The following MDM2 variants were observed in gnomAD, a reference collection of about 807,000 sequenced individuals.
The protein encoded by MDM2 is MDM2 proto-oncogene.
MDM2 carries 11 observed loss-of-function variants against 64.3 expected under a neutral mutation model. That is an observed-to-expected ratio of 0.17 (90% CI 0.11 to 0.28). The LOEUF is 0.28. Ranked by LOEUF, MDM2 falls within the 10% of genes least tolerant of loss-of-function variation. The probability of loss-of-function intolerance (pLI) is 1.00; values close to 1 mark genes in which losing one functional copy is unlikely to be tolerated. For missense variants in MDM2, 388 were observed against 577.1 expected (o/e 0.67, Z 3.36); for synonymous variants, 194 against 192.9 (o/e 1.01, Z -0.05).
At chr12:68,811,012 T>TG (rs1299534883) in intron 2 of MDM2, among the ~76,000 whole-genome samples, 2 of 152,016 alleles carry the variant, frequency 1.3e-5, no homozygotes, top group East Asian at 3.9e-4. Context: ...ATTACAGGCA[T>TG]GCGCCACCAC....
In MDM2 at chr12:68,824,534, AT is replaced by A. The variant is rs1447795029; in HGVS notation, c.427-14del. On this transcript the variant is annotated intron_variant, in intron 6 of 10. Transcript: ENST00000258149. Reference sequence around the variant, plus strand: ...GGTTATGTTAAGTTTGTTGTATTTTATTTTTTTCCTAAATGCTTAGGACCTT... The same window carrying A: ...GGTTATGTTAAGTTTGTTGTATTTTATTTTTTCCTAAATGCTTAGGACCTT... 3 of 1,603,288 alleles carry A rather than the reference AT, an allele frequency of 1.9e-6. No homozygotes were observed. In the African/African-American group the frequency reaches 4.0e-5, roughly 22 times the overall value.
intron 7 of MDM2, among the ~76,000 whole-genome samples, chr12:68,825,780 G>C (rs1371045294): frequency 2.0e-5 from 3 of 152,344 alleles, no homozygotes; most frequent in Middle Eastern, 3.4e-3. Flanking sequence ...AGATGAAAGA[G>C]AATGTCAGAT....
chr12:68,814,906 G>A (rs1029807007), intron 3 of MDM2, among the ~76,000 whole-genome samples: 1 of 152,106 alleles, frequency 6.6e-6, no homozygotes, highest in Admixed American at 6.6e-5. Context: ...TTCTTACAAC[G>A]GTATAGTGGG....
intron 10 of MDM2, among the ~76,000 whole-genome samples, 153 bp from the exon 11 acceptor site, chr12:68,839,121 C>A (rs1326472106): frequency 6.6e-6 from 1 of 152,016 alleles, no homozygotes; most frequent in East Asian, 1.9e-4. Flanking sequence ...AGTCCTCATG[C>A]TGTTTACAGT....
chr12:68,817,924 A>G (rs989169581), intron 4 of MDM2, among the ~76,000 whole-genome samples: 2 of 151,832 alleles, frequency 1.3e-5, no homozygotes, highest in Non-Finnish European at 1.5e-5. Flanking sequence ...CGGCTTCCCG[A>G]GTAGCTGGGA....
chr12:68,818,039 C>T (rs1881536590), intron 4 of MDM2, among the ~76,000 whole-genome samples: 1 of 152,132 alleles, frequency 6.6e-6, no homozygotes, highest in Admixed American at 6.5e-5. Context: ...GGTAATCCAC[C>T]TGCCATGGCC....
intron 4 of MDM2, among the ~76,000 whole-genome samples, chr12:68,819,506 CCT>C (rs1347766819): frequency 6.6e-6 from 1 of 151,686 alleles, no homozygotes; most frequent in African/African-American, 2.4e-5. Flanking sequence ...TTTTTTCTTC[CCT>C]GAGTCGGAGT....
At chr12:68,846,758 C>G (rs1271114475), downstream of MDM2, 2 of 151,660 alleles carry the variant, frequency 1.3e-5, no homozygotes, top group African/African-American at 2.4e-5. Context: ...TTTGCTTAAA[C>G]AAAGTTCATA....
intron 3 of MDM2, chr12:68,814,587 C>T (rs1881189493): frequency 2.6e-6 from 1 of 388,350 alleles, no homozygotes; most frequent in Admixed American, 3.8e-5. Flanking sequence ...AATGGACCCC[C>T]TGAATTCTAT....
At chr12:68,849,142 T>G (rs7962698), downstream of MDM2, 10,629 of 150,480 alleles carry the variant, frequency 0.071, 1,318 homozygotes, top group African/African-American at 0.25. Flanking sequence ...CAGACTAGAC[T>G]GAAGTGGCGC....
downstream of MDM2, chr12:68,849,945 A>G (rs1238086517): frequency 6.6e-6 from 1 of 152,206 alleles, no homozygotes; most frequent in African/African-American, 2.4e-5. Context: ...CCACTCCAAG[A>G]GAGCAGAGAA....
chr12:68,811,076 G>T (rs1880848614), intron 2 of MDM2, among the ~76,000 whole-genome samples: 1 of 150,628 alleles, frequency 6.6e-6, no homozygotes, highest in South Asian at 2.1e-4. Flanking sequence ...TGTTGGTCAG[G>T]CTGGTCTTGA....
intron 2 of MDM2, 118 bp downstream of exon 2, chr12:68,809,410 T>G: frequency 1.1e-6 from 1 of 922,136 alleles, no homozygotes; most frequent in South Asian, 1.4e-5. Flanking sequence ...TGTGCATAGC[T>G]TAAAGTGTGC....
chr12:68,833,149 A>AAAAATATATATATAT (rs1555187768), intron 8 of MDM2, among the ~76,000 whole-genome samples: 2 of 65,958 alleles, frequency 3.0e-5, no homozygotes, highest in African/African-American at 1.2e-4. Flanking sequence ...AAAAAAAAAA[A>AAAAATATATATATAT]ATATATATAT....
chr12:68,836,592 G>T (rs778934678), intron 9 of MDM2, 80 bp from the exon 10 acceptor site: 1 of 938,150 alleles, frequency 1.1e-6, no homozygotes, highest in Admixed American at 1.7e-5. Flanking sequence ...CATGATATTT[G>T]TTTAGGACTT....
chr12:68,809,403 G>T, intron 2 of MDM2, 111 bp downstream of exon 2: 1 of 997,734 alleles, frequency 1.0e-6, no homozygotes, highest in African/African-American at 1.6e-5. Flanking sequence ...AATTGTATGT[G>T]CATAGCTTAA....
chr12:68,809,047 GTGGGCACGGACGCA>G (rs1259473270), intron 1 of MDM2, 147 bp from the exon 2 acceptor site: 16 of 1,497,586 alleles, frequency 1.1e-5, no homozygotes, highest in African/African-American at 1.4e-5. Context: ...GGGTAGACCT[GTGGGCACGGACGCA>G]CGCCACTTTT....
chr12:68,826,508 G>A lies in MDM2; in HGVS notation c.523+1857G>A, dbSNP rs180984560. On this transcript the variant is annotated intron_variant, in intron 7 of 10. Coordinates refer to ENST00000258149, the MANE Select transcript of MDM2 (RefSeq NM_002392.6). The stretch of plus-strand genomic sequence containing the variant: ...TATTAAAAATACAAAAATTAGCCAG[G>A]TGTGGTGGCAGGCGCCTGTAATCCC... Among the ~76,000 whole-genome samples, 87 of 151,906 alleles carry A rather than the reference G, an allele frequency of 5.7e-4. 2 individuals are homozygous for A. In the East Asian group the frequency reaches 0.015, roughly 27 times the overall value.
chr12:68,821,044 C>CTTTTTTTTTTTTTTTTTTTTTTTT, intron 5 of MDM2, among the ~76,000 whole-genome samples: 1 of 103,820 alleles, frequency 9.6e-6, no homozygotes, highest in Non-Finnish European at 1.9e-5. Flanking sequence ...ACACAGTTTG[C>CTTTTTTTTTTTTTTTTTTTTTTTT]TTTTTTTTTT....
Sources: gnomAD v4.1 joint callset for allele counts (sites outside exome capture counted in the v4.1 genomes callset) on GRCh38, gnomAD v4.1.1 for gene constraint, MANE v1.5 for transcripts, NCBI Gene and HGNC (gene_info 2026-07-23, HGNC 2026-07-21) for gene names.